PIAS2: variants seen among roughly 807,000 people sequenced by gnomAD.
The protein encoded by PIAS2 is protein inhibitor of activated STAT 2.
PIAS2 carries 19 observed loss-of-function variants against 69.7 expected under a neutral mutation model. The observed-to-expected ratio is 0.27, with a 90% CI of 0.19 to 0.40. The LOEUF (loss-of-function observed/expected upper bound fraction) is 0.40, where lower values mean the gene tolerates loss of function less well. Among genes scored for constraint, PIAS2 ranks in the 10% least tolerant of loss-of-function variants. PIAS2 has a pLI of 1.00. For synonymous variants in PIAS2, 261 were observed against 263.2 expected, an observed-to-expected ratio of 0.99 and a Z score of 0.08; for missense variants, 624 against 757.0, an observed-to-expected ratio of 0.82 and a Z score of 2.06.
At chr18:46,881,150 GGA>G (rs2052177631) in intron 2 of PIAS2, among the ~76,000 whole-genome samples, 1 of 152,098 alleles carries the variant, frequency 6.6e-6, no homozygotes, top group Non-Finnish European at 1.5e-5. Context: ...CCACCAGTGT[GGA>G]GTTAGTCCAC....
At chr18:46,913,629 G>A (rs1366138711) in intron 1 of PIAS2, among the ~76,000 whole-genome samples, 1 of 151,844 alleles carries the variant, frequency 6.6e-6, no homozygotes, top group Non-Finnish European at 1.5e-5. Context: ...AGTAGGGAAA[G>A]TAGATTAACC....
At chr18:46,910,292 A>G (rs1394924447) in intron 1 of PIAS2, among the ~76,000 whole-genome samples, 1 of 152,214 alleles carries the variant, frequency 6.6e-6, no homozygotes, top group Non-Finnish European at 1.5e-5. Flanking sequence ...GTTGCAGTGG[A>G]TGTGATCAGG....
intron 2 of PIAS2, among the ~76,000 whole-genome samples, chr18:46,874,098 T>C (rs1174371803): frequency 6.6e-6 from 1 of 152,190 alleles, no homozygotes; most frequent in Admixed American, 6.6e-5. Flanking sequence ...TCTCCAGATG[T>C]AGAGGAATTT....
At chr18:46,848,816 C>A (rs2046543426) in intron 5 of PIAS2, among the ~76,000 whole-genome samples, 1 of 148,360 alleles carries the variant, frequency 6.7e-6, no homozygotes, top group Non-Finnish European at 1.5e-5. Flanking sequence ...AAGGTTATGC[C>A]CATCTTAAGT....
intron 6 of PIAS2, among the ~76,000 whole-genome samples, chr18:46,845,563 G>T (rs909621881): frequency 2.1e-4 from 32 of 151,740 alleles, no homozygotes; most frequent in Non-Finnish European, 4.3e-4. Context: ...GTTAGATCTG[G>T]CACAAAGGAA....
intron 1 of PIAS2, among the ~76,000 whole-genome samples, chr18:46,908,540 GT>G (rs202192788): frequency 1.1e-5 from 1 of 88,708 alleles, no homozygotes; most frequent in Non-Finnish European, 2.2e-5. Flanking sequence ...ATGAGAAAAG[GT>G]AAAAAAAAAA....
upstream of PIAS2, chr18:46,920,040 A>T: frequency 1.6e-6 from 2 of 1,288,182 alleles, no homozygotes; most frequent in Non-Finnish European, 2.0e-6. Context: ...AAGAAAAGCA[A>T]AGCCCCACTG....
chr18:46,812,578 G>A lies in PIAS2; in HGVS notation c.1721C>T (p.Ser574Leu), dbSNP rs774234057. 1.2e-6 allele frequency: 2 copies of A among 1,613,288 alleles called. No homozygotes were observed. Among genetic ancestry groups the A allele is most frequent in the Admixed American group, 3.3e-5 (2 of 59,996 alleles). The stretch of plus-strand genomic sequence containing the variant: ...AGACGTACTGCTTGCTGTTAAGGGT[G>A]AGGTGAGACTATCCAAAAACATAGG... The part of the protein sequence containing the change: ...CPPMFLDSLT[S>L]PLTASSTSVT... Residue 574 changes from serine to leucine, a missense_variant, in exon 14 of 14, where the codon TCA becomes TTA. By Grantham distance (145) the Ser-to-Leu change is moderately radical. Coordinates refer to ENST00000585916, the MANE Select transcript of PIAS2 (RefSeq NM_004671.5).
chr18:46,870,292 C>G (rs2050135304), intron 2 of PIAS2, among the ~76,000 whole-genome samples: 1 of 151,688 alleles, frequency 6.6e-6, no homozygotes, highest in South Asian at 2.1e-4. Flanking sequence ...AATGCTCCCC[C>G]TTCACTAGCT....
At chr18:46,908,190 G>A (rs922606057) in intron 1 of PIAS2, among the ~76,000 whole-genome samples, 1 of 152,094 alleles carries the variant, frequency 6.6e-6, no homozygotes, top group African/African-American at 2.4e-5. Flanking sequence ...TGCCCAGGCT[G>A]GTCTTGAACT....
At chr18:46,912,862 T>C (rs575924275) in intron 1 of PIAS2, among the ~76,000 whole-genome samples, 2 of 152,258 alleles carry the variant, frequency 1.3e-5, no homozygotes, top group African/African-American at 4.8e-5. Flanking sequence ...TGCACAAATA[T>C]TGCTTTCATT....
chr18:46,828,979 T>C (rs187037973), intron 10 of PIAS2, among the ~76,000 whole-genome samples: 9 of 152,348 alleles, frequency 5.9e-5, no homozygotes. Flanking sequence ...AATAATGGCA[T>C]AAATCCTTTA....
intron 2 of PIAS2, among the ~76,000 whole-genome samples, chr18:46,883,462 G>C (rs1236616956): frequency 1.3e-5 from 2 of 151,978 alleles, no homozygotes; most frequent in South Asian, 2.1e-4. Context: ...CAGCACTTTG[G>C]GGGGCCGGGG....
intron 8 of PIAS2, among the ~76,000 whole-genome samples, chr18:46,843,639 T>C (rs2045744305): frequency 6.6e-6 from 1 of 152,206 alleles, no homozygotes; most frequent in Non-Finnish European, 1.5e-5. Context: ...GAAAAATTAT[T>C]GTGCAATTTA....
intron 2 of PIAS2, among the ~76,000 whole-genome samples, chr18:46,866,033 CTTAA>C (rs1362827106): frequency 4.6e-5 from 7 of 152,060 alleles, no homozygotes; most frequent in African/African-American, 1.7e-4. Flanking sequence ...GCATTTTAAT[CTTAA>C]TTAATTAATG....
chr18:46,867,832 T>C (rs763680450), intron 2 of PIAS2, among the ~76,000 whole-genome samples: 2 of 152,208 alleles, frequency 1.3e-5, no homozygotes, highest in Non-Finnish European at 2.9e-5. Flanking sequence ...ACCAACAGTG[T>C]ACAGTTTAAG....
chr18:46,888,363 A>ATT (rs35677026), intron 2 of PIAS2, among the ~76,000 whole-genome samples: 68 of 149,272 alleles, frequency 4.6e-4, no homozygotes, highest in Middle Eastern at 3.4e-3. Context: ...CAAAATCCCA[A>ATT]TTTTTTTTTT....
chr18:46,870,557 C>T (rs1009109784), intron 2 of PIAS2, among the ~76,000 whole-genome samples: 1 of 125,976 alleles, frequency 7.9e-6, no homozygotes, highest in Non-Finnish European at 1.6e-5. Flanking sequence ...TGGAGCTTGC[C>T]GTGAGCCATG....
intron 3 of PIAS2, among the ~76,000 whole-genome samples, chr18:46,856,071 T>C (rs974246156): frequency 2.1e-4 from 29 of 137,054 alleles, no homozygotes; most frequent in African/African-American, 7.7e-4. Flanking sequence ...AGTGGCGCGA[T>C]CTTGGCTCAC....
Sources: allele counts gnomAD v4.1 joint callset (sites outside exome capture counted in the v4.1 genomes callset), GRCh38; gene constraint gnomAD v4.1.1; transcripts MANE v1.5; gene names NCBI Gene and HGNC (gene_info 2026-07-23, HGNC 2026-07-21).